ERC2: variants seen among roughly 807,000 people sequenced by gnomAD.
ERC2 encodes ELKS/RAB6-interacting/CAST family member 2, also known as ERC protein 2.
Under a neutral mutation model 114.8 loss-of-function variants are expected in ERC2, and 42 were observed. That is an observed-to-expected ratio of 0.37 (90% CI 0.29 to 0.47). ERC2 has a LOEUF of 0.47. Among genes scored for constraint, ERC2 ranks in the 20% least tolerant of loss-of-function variants. ERC2 has a pLI of 0.99. For synonymous variants in ERC2, 454 were observed against 425.5 expected (o/e 1.07, Z -0.82); for missense variants, 939 against 1,150.7 (o/e 0.82, Z 2.66).
At chr3:55,523,132 C>A (rs2053075652) in intron 17 of ERC2, among the ~76,000 whole-genome samples, 1 of 152,192 alleles carries the variant, frequency 6.6e-6, no homozygotes, top group South Asian at 2.1e-4. Flanking sequence ...ACAAAGTGGT[C>A]ACCTGAGGCA....
intron 2 of ERC2, among the ~76,000 whole-genome samples, chr3:56,393,584 C>A (rs763004315): frequency 1.2e-4 from 18 of 152,118 alleles, no homozygotes; most frequent in African/African-American, 4.1e-4. Context: ...TCATGCTAGA[C>A]AATTAGCTCT....
At chr3:55,733,074 A>G (rs779568391) in intron 15 of ERC2, among the ~76,000 whole-genome samples, 63 of 152,272 alleles carry the variant, frequency 4.1e-4, no homozygotes, top group Non-Finnish European at 6.2e-4. Flanking sequence ...CCACAAGTGC[A>G]TGGTATATTC....
chr3:55,670,123 G>A (rs550673559), intron 17 of ERC2, among the ~76,000 whole-genome samples: 6 of 152,268 alleles, frequency 3.9e-5, no homozygotes, highest in Non-Finnish European at 7.4e-5. Context: ...GTAAGAAATC[G>A]CTTTCCCCAT....
At chr3:55,910,684 T>C (rs1013518608) in intron 13 of ERC2, among the ~76,000 whole-genome samples, 2 of 152,148 alleles carry the variant, frequency 1.3e-5, no homozygotes, top group Non-Finnish European at 2.9e-5. Context: ...GTAATACCAT[T>C]TATTTCTCAC....
chr3:55,517,996 G>T (rs574207791), intron 17 of ERC2, among the ~76,000 whole-genome samples: 2 of 152,076 alleles, frequency 1.3e-5, no homozygotes, highest in African/African-American at 4.8e-5. Context: ...TTGGTACTAC[G>T]GCCATGTGGG....
At position 56,443,340 on chromosome 3, in the gene ERC2, T is replaced by C. The variant is rs528761674; in HGVS notation, c.-140-8193A>G. On this transcript the variant is annotated intron_variant, in intron 1 of 17. Coordinates refer to ENST00000288221, the MANE Select transcript of ERC2 (RefSeq NM_015576.3). ...TCTTCACCACTGTACATCTGCTTCT[T>C]AACAATAAATTTTAGTTAGCGACGT... Among the ~76,000 whole-genome samples the C allele has an allele frequency of 1.2e-4, 18 of 152,330 alleles. No homozygotes were observed. The South Asian group carries it at 3.5e-3, about 30-fold the overall frequency.
intron 6 of ERC2, among the ~76,000 whole-genome samples, chr3:56,082,233 T>A (rs572118663): frequency 6.6e-6 from 1 of 152,150 alleles, no homozygotes; most frequent in Admixed American, 6.5e-5. Context: ...TAGGAGGTGA[T>A]TAGGTCATGA....
chr3:55,564,213 T>G (rs1323339099), intron 17 of ERC2, among the ~76,000 whole-genome samples: 1 of 152,200 alleles, frequency 6.6e-6, no homozygotes, highest in Non-Finnish European at 1.5e-5. Flanking sequence ...TGTTATTATT[T>G]GGAACTAGGA....
chr3:56,135,835 G>T (rs143162832), intron 6 of ERC2, among the ~76,000 whole-genome samples: 1 of 152,304 alleles, frequency 6.6e-6, no homozygotes, highest in East Asian at 1.9e-4. Flanking sequence ...AAAAATCAAG[G>T]TGCTAGAGAA....
chr3:56,232,530 G>A (rs1416101534), intron 3 of ERC2, among the ~76,000 whole-genome samples: 5 of 151,998 alleles, frequency 3.3e-5, no homozygotes, highest in Admixed American at 2.0e-4. Context: ...CCAGGTCTAC[G>A]CATGATTATC....
chr3:56,097,703 T>C (rs369947585), intron 6 of ERC2, among the ~76,000 whole-genome samples: 11 of 152,302 alleles, frequency 7.2e-5, no homozygotes, highest in African/African-American at 2.4e-4. Context: ...AACTCACTGA[T>C]CCATTTGCAA....
chr3:55,832,652 T>C (rs1371203669), intron 14 of ERC2, among the ~76,000 whole-genome samples: 2 of 151,956 alleles, frequency 1.3e-5, no homozygotes, highest in Non-Finnish European at 2.9e-5. Flanking sequence ...ACCACAAAGA[T>C]GGGGAGAAAA....
At chr3:55,538,109 A>G (rs1041758503) in intron 17 of ERC2, among the ~76,000 whole-genome samples, 3 of 152,230 alleles carry the variant, frequency 2.0e-5, no homozygotes, top group African/African-American at 7.2e-5. Context: ...GTTAGTAGCT[A>G]TAGACCATCA....
chr3:56,312,304 T>G (rs1037683060), intron 2 of ERC2, among the ~76,000 whole-genome samples: 26 of 152,178 alleles, frequency 1.7e-4, no homozygotes, highest in African/African-American at 6.0e-4. Context: ...ATCCGATCGA[T>G]GCCAGAAGCT....
intron 12 of ERC2, among the ~76,000 whole-genome samples, chr3:55,979,917 T>C (rs1008708973): frequency 1.3e-5 from 2 of 151,476 alleles, no homozygotes; most frequent in African/African-American, 4.8e-5. Context: ...TACTCCAGTC[T>C]GGGAAACAGA....
At chr3:55,697,219 G>T (rs1398290426) in intron 16 of ERC2, among the ~76,000 whole-genome samples, 2 of 152,206 alleles carry the variant, frequency 1.3e-5, no homozygotes, top group African/African-American at 4.8e-5. Flanking sequence ...CTCGGAACAG[G>T]ATTCCAGCCT....
At chr3:55,812,297 A>G (rs1345227455) in intron 14 of ERC2, among the ~76,000 whole-genome samples, 2 of 152,230 alleles carry the variant, frequency 1.3e-5, no homozygotes, top group African/African-American at 4.8e-5. Flanking sequence ...CAGTAAATAA[A>G]AGTATAATAG....
intron 3 of ERC2, among the ~76,000 whole-genome samples, chr3:56,187,526 A>T (rs768910856): frequency 1.3e-5 from 2 of 152,134 alleles, no homozygotes; most frequent in Non-Finnish European, 2.9e-5. Context: ...CCCAGATGAG[A>T]TGCACGCACA....
At chr3:56,065,769 G>T (rs2076447033) in intron 7 of ERC2, among the ~76,000 whole-genome samples, 1 of 151,958 alleles carries the variant, frequency 6.6e-6, no homozygotes, top group Non-Finnish European at 1.5e-5. Flanking sequence ...CCCATTGTTA[G>T]CTCCCACTTA....
Sources: gnomAD v4.1 joint callset for allele counts (sites outside exome capture counted in the v4.1 genomes callset) on GRCh38, gnomAD v4.1.1 for gene constraint, MANE v1.5 for transcripts, NCBI Gene and HGNC (gene_info 2026-07-23, HGNC 2026-07-21) for gene names.